The following NCKAP5 variants were observed in gnomAD, a reference collection of about 807,000 sequenced individuals.
NCKAP5 encodes the protein NCK associated protein 5.
In NCKAP5, 92 loss-of-function variants were observed where a neutral mutation model predicts 167.0. The observed-to-expected ratio is 0.55, with a 90% CI of 0.47 to 0.66. The LOEUF (loss-of-function observed/expected upper bound fraction) is 0.66, where lower values mean the gene tolerates loss of function less well. Among genes scored for constraint, NCKAP5 ranks in the 30% least tolerant of loss-of-function variants. The probability of loss-of-function intolerance (pLI) is 0.00; values close to 1 mark genes in which losing one functional copy is unlikely to be tolerated. For missense variants in NCKAP5, 2,378 were observed against 2,315.0 expected (o/e 1.03, Z -0.56); for synonymous variants, 891 against 877.4 (o/e 1.02, Z -0.27).
At chr2:133,262,357 A>C (rs1188249506) in intron 4 of NCKAP5, among the ~76,000 whole-genome samples, 1 of 152,220 alleles carries the variant, frequency 6.6e-6, no homozygotes, top group Non-Finnish European at 1.5e-5. Flanking sequence ...TACCTATAGC[A>C]GCAAGTGCTA....
intron 19 of NCKAP5, among the ~76,000 whole-genome samples, chr2:132,697,674 A>G (rs1687476474): frequency 6.6e-6 from 1 of 151,586 alleles, no homozygotes; most frequent in South Asian, 2.1e-4. Context: ...TCATTTTGAT[A>G]TAGTTGGTCT....
At chr2:133,022,754 G>C (rs1451576840) in intron 6 of NCKAP5, among the ~76,000 whole-genome samples, 1 of 152,140 alleles carries the variant, frequency 6.6e-6, no homozygotes, top group Non-Finnish European at 1.5e-5. Context: ...TTCCTTTGAT[G>C]CCCTATGCAT....
Position 132,782,280 on chromosome 2 carries a change from C to T in NCKAP5, c.4531G>A (p.Gly1511Ser). Residue 1511 changes from glycine to serine, a missense_variant, in exon 14 of 20, where the codon GGT becomes AGT. By Grantham distance (56) the Gly-to-Ser change is moderately conservative. Coordinates refer to ENST00000409261, the MANE Select transcript of NCKAP5 (RefSeq NM_207363.3). ...KPGPSFASWF[G>S]FRKSRLPALS... is the part of the protein sequence containing the mutation. ...GCTGGAAGTCTACTCTTCCGAAAACCAAACCAGCTGGCAAAAGAAGGCCCA... is the reference window on the plus strand; with the variant it reads ...GCTGGAAGTCTACTCTTCCGAAAACTAAACCAGCTGGCAAAAGAAGGCCCA... 1 of 1,614,000 alleles carries T rather than the reference C, an allele frequency of 6.2e-7. No individual in the cohort carries two copies. The highest frequency in any genetic ancestry group is 8.5e-7 in the Non-Finnish European group (1 of 1,179,894).
At chr2:133,161,527 G>A (rs538550431) in intron 5 of NCKAP5, among the ~76,000 whole-genome samples, 41 of 152,230 alleles carry the variant, frequency 2.7e-4, no homozygotes, top group Admixed American at 1.2e-3. Context: ...AAATACAGCC[G>A]GGTACCCACA....
chr2:133,273,294 G>A (rs746132609), intron 4 of NCKAP5, among the ~76,000 whole-genome samples: 5 of 152,096 alleles, frequency 3.3e-5, no homozygotes, highest in South Asian at 4.1e-4. Context: ...GGCTAATGAC[G>A]TTCAGTATCT....
intron 11 of NCKAP5, among the ~76,000 whole-genome samples, chr2:132,844,950 AC>A (rs1688555780): frequency 6.6e-6 from 1 of 152,198 alleles, no homozygotes; most frequent in Admixed American, 6.5e-5. Flanking sequence ...AGTAGAGGGT[AC>A]TTCAAAATGT....
intron 7 of NCKAP5, among the ~76,000 whole-genome samples, chr2:132,991,655 C>T (rs6718619): frequency 0.22 from 33,962 of 152,106 alleles, 3,990 homozygotes; most frequent in South Asian, 0.4. Flanking sequence ...ATAAAAGACT[C>T]AGAACAAACA....
At chr2:133,271,643 G>A (rs966084169) in intron 4 of NCKAP5, among the ~76,000 whole-genome samples, 2 of 152,144 alleles carry the variant, frequency 1.3e-5, no homozygotes, top group Non-Finnish European at 2.9e-5. Flanking sequence ...TAAAAAAGTA[G>A]AGGCACTATC....
intron 3 of NCKAP5, among the ~76,000 whole-genome samples, chr2:133,362,640 C>G (rs1685188389): frequency 1.3e-5 from 2 of 152,308 alleles, no homozygotes; most frequent in Admixed American, 6.5e-5. Flanking sequence ...CTAGGAGTTA[C>G]AGGGGCTTCC....
At chr2:133,084,133 A>C (rs578262702) in intron 6 of NCKAP5, among the ~76,000 whole-genome samples, 1 of 152,262 alleles carries the variant, frequency 6.6e-6, no homozygotes, top group Non-Finnish European at 1.5e-5. Flanking sequence ...AGTGTTTTGG[A>C]GAACTCACAC....
chr2:133,054,291 T>C (rs2079714636), intron 6 of NCKAP5, among the ~76,000 whole-genome samples: 1 of 152,120 alleles, frequency 6.6e-6, no homozygotes, highest in African/African-American at 2.4e-5. Flanking sequence ...CCCACCCCAG[T>C]AGGGAGAGAA....
At chr2:133,059,625 ATC>A (rs1311873377) in intron 6 of NCKAP5, among the ~76,000 whole-genome samples, 2 of 152,050 alleles carry the variant, frequency 1.3e-5, no homozygotes, top group South Asian at 2.1e-4. Flanking sequence ...GTAAGCTGCA[ATC>A]ATGCCATTGC....
chr2:133,472,259 C>G (rs1679404743), intron 3 of NCKAP5, among the ~76,000 whole-genome samples: 2 of 151,924 alleles, frequency 1.3e-5, no homozygotes, highest in Non-Finnish European at 2.9e-5. Context: ...AGTTGTAATA[C>G]AAGGTTTATA....
the NCKAP5 span, among the ~76,000 whole-genome samples, chr2:133,636,998 T>A: frequency 6.6e-6 from 1 of 152,086 alleles, no homozygotes; most frequent in Non-Finnish European, 1.5e-5. Context: ...CCAGAGAAGA[T>A]CCACAACAAA....
chr2:132,910,513 T>C (rs1475932419), intron 8 of NCKAP5, among the ~76,000 whole-genome samples: 1 of 152,196 alleles, frequency 6.6e-6, no homozygotes, highest in African/African-American at 2.4e-5. Flanking sequence ...AGTGAAAACA[T>C]GGAATGTTTG....
chr2:132,766,385 C>G (rs993928199), intron 16 of NCKAP5, among the ~76,000 whole-genome samples: 2 of 151,364 alleles, frequency 1.3e-5, no homozygotes, highest in African/African-American at 4.9e-5. Flanking sequence ...TTAGCTTGGA[C>G]CACCTCCCTC....
intron 3 of NCKAP5, among the ~76,000 whole-genome samples, chr2:133,364,189 C>T (rs930616256): frequency 6.6e-6 from 1 of 152,086 alleles, no homozygotes; most frequent in South Asian, 2.1e-4. Flanking sequence ...AGTGGCAGAG[C>T]TGGAATTCAA....
intron 4 of NCKAP5, among the ~76,000 whole-genome samples, chr2:133,277,257 A>C (rs1420224445): frequency 6.6e-6 from 1 of 152,196 alleles, no homozygotes; most frequent in Non-Finnish European, 1.5e-5. Context: ...TGTAGATGAC[A>C]TGGTAGTACT....
intron 5 of NCKAP5, among the ~76,000 whole-genome samples, chr2:133,172,102 A>G (rs988601587): frequency 6.6e-6 from 1 of 152,218 alleles, no homozygotes; most frequent in Non-Finnish European, 1.5e-5. Context: ...CTTGAGCCCC[A>G]ACTATATACC....
Sources: allele counts gnomAD v4.1 joint callset (sites outside exome capture counted in the v4.1 genomes callset), GRCh38; gene constraint gnomAD v4.1.1; transcripts MANE v1.5; gene names NCBI Gene and HGNC (gene_info 2026-07-23, HGNC 2026-07-21).